Variants in ATP8A2 observed in about 807,000 individuals in gnomAD.
ATP8A2 encodes the protein phospholipid-transporting ATPase IB.
In ATP8A2, 100 loss-of-function variants were observed where a neutral mutation model predicts 165.6. The observed-to-expected ratio is 0.60, with a 90% confidence interval of 0.51 to 0.71. The LOEUF is 0.71. Among genes scored for constraint, ATP8A2 ranks in the 30% least tolerant of loss-of-function variants. ATP8A2 has a pLI of 0.00. For synonymous variants in ATP8A2, 543 were observed against 548.8 expected, an observed-to-expected ratio of 0.99 and a Z score of 0.15; for missense variants, 1,227 against 1,479.5, an observed-to-expected ratio of 0.83 and a Z score of 2.80.
chr13:25,974,109 C>T (rs1049450465), intron 35 of ATP8A2, among the ~76,000 whole-genome samples: 5 of 152,192 alleles, frequency 3.3e-5, no homozygotes, highest in African/African-American at 1.2e-4. Flanking sequence ...ACGGCGGAGA[C>T]AGATGACCTG....
At chr13:25,555,467 C>T (rs1161249190) in intron 13 of ATP8A2, among the ~76,000 whole-genome samples, 5 of 152,148 alleles carry the variant, frequency 3.3e-5, no homozygotes, top group East Asian at 1.9e-4. Flanking sequence ...TCGCATGTTC[C>T]GAATTTTGTC....
chr13:25,518,324 T>C (rs1202853233), intron 2 of ATP8A2, among the ~76,000 whole-genome samples: 1 of 152,224 alleles, frequency 6.6e-6, no homozygotes, highest in Non-Finnish European at 1.5e-5. Flanking sequence ...GGGCATGGAA[T>C]GCTGGCCCTG....
At chr13:25,657,693 CAG>C (rs2041963847) in intron 24 of ATP8A2, among the ~76,000 whole-genome samples, 1 of 152,194 alleles carries the variant, frequency 6.6e-6, no homozygotes, top group Non-Finnish European at 1.5e-5. Context: ...TGGTGTTAAA[CAG>C]ATACTTTTAC....
chr13:25,575,367 A>C (rs923425973), intron 19 of ATP8A2, among the ~76,000 whole-genome samples: 1 of 152,236 alleles, frequency 6.6e-6, no homozygotes, highest in African/African-American at 2.4e-5. Context: ...AATTTTAAAA[A>C]GTTAGACCCA....
At position 25,704,450 on chromosome 13, in the gene ATP8A2, C is replaced by T. The variant is rs1172408182; in HGVS notation, c.2384+5105C>T. The stretch of plus-strand genomic sequence containing the variant: ...GACCTCCTGGGTTCAAGCGATCTTC[C>T]TGTTCAGTCTCCCAAATAGCTGGGA... On this transcript the variant is annotated intron_variant, in intron 25 of 36. Coordinates refer to ENST00000381655, the MANE Select transcript of ATP8A2 (RefSeq NM_016529.6). 3.9e-5 allele frequency among the ~76,000 whole-genome samples: 6 copies of T among 151,950 alleles called. No homozygotes were observed. In the South Asian group the frequency reaches 1.2e-3, roughly 32 times the overall value.
intron 10 of ATP8A2, among the ~76,000 whole-genome samples, chr13:25,546,210 T>C (rs369418953): frequency 1.3e-5 from 2 of 152,246 alleles, no homozygotes; most frequent in East Asian, 1.9e-4. Flanking sequence ...GAGTAAGGCA[T>C]GCACTGAGTT....
intron 33 of ATP8A2, among the ~76,000 whole-genome samples, chr13:25,925,260 G>A (rs538573809): frequency 3.3e-5 from 5 of 152,128 alleles, no homozygotes; most frequent in Non-Finnish European, 5.9e-5. Context: ...GGGGCAGGGC[G>A]CTGTGGCTCA....
intron 24 of ATP8A2, among the ~76,000 whole-genome samples, chr13:25,669,783 G>A (rs76813401): frequency 0.015 from 2,327 of 152,246 alleles, 60 homozygotes; most frequent in African/African-American, 0.053. Context: ...CATAGGTAGT[G>A]TGTGTCTTGA....
chr13:25,524,676 A>C (rs1438069214), intron 2 of ATP8A2, among the ~76,000 whole-genome samples: 2 of 152,024 alleles, frequency 1.3e-5, no homozygotes, highest in East Asian at 3.8e-4. Flanking sequence ...CTTGCATGGA[A>C]TATCTTTTTC....
chr13:25,465,815 G>A (rs1044468772), intron 1 of ATP8A2, among the ~76,000 whole-genome samples: 1 of 99,826 alleles, frequency 1.0e-5, no homozygotes, highest in African/African-American at 3.2e-5. Flanking sequence ...GTAGAGATGA[G>A]GTCTTGCTAT....
chr13:25,854,199 C>A (rs1437503065), intron 30 of ATP8A2, among the ~76,000 whole-genome samples: 1 of 152,166 alleles, frequency 6.6e-6, no homozygotes, highest in East Asian at 1.9e-4. Flanking sequence ...TTTCATATGT[C>A]TTCCTGTATT....
At chr13:25,794,623 C>T (rs930674914) in intron 27 of ATP8A2, among the ~76,000 whole-genome samples, 18 of 151,762 alleles carry the variant, frequency 1.2e-4, no homozygotes, top group African/African-American at 1.7e-4. Flanking sequence ...CACAAGGGTG[C>T]GCAGTTATCA....
intron 2 of ATP8A2, among the ~76,000 whole-genome samples, chr13:25,489,208 A>G (rs2036444925): frequency 6.6e-6 from 1 of 152,018 alleles, no homozygotes; most frequent in Admixed American, 6.6e-5. Context: ...TGTCTCCAGT[A>G]AGATACACAA....
At chr13:25,907,903 G>A (rs1423732940) in intron 33 of ATP8A2, among the ~76,000 whole-genome samples, 4 of 152,206 alleles carry the variant, frequency 2.6e-5, no homozygotes, top group African/African-American at 9.7e-5. Context: ...AGCATGAAAT[G>A]ATACAGCCAA....
At chr13:25,705,225 T>C (rs775710297) in intron 25 of ATP8A2, 1 of 411,526 alleles carries the variant, frequency 2.4e-6, no homozygotes, top group South Asian at 1.8e-5. Context: ...GAGAGGACTT[T>C]GACCTCTTGA....
intron 25 of ATP8A2, 52 bp downstream of exon 25, chr13:25,699,397 G>T: frequency 7.3e-7 from 1 of 1,373,420 alleles, no homozygotes; most frequent in Non-Finnish European, 9.7e-7. Flanking sequence ...TCTGTATCCC[G>T]TGCTTATACA....
In ATP8A2 at chr13:25,894,267, C is replaced by G. The variant is rs899640897; in HGVS notation, c.3183+31859C>G. ...TTCTACATATGGCTAGCCAGTTTTC[C>G]CAGCACCATTTATTAAATAGGGAAT... is the stretch of plus-strand genomic sequence containing the variant. On this transcript the variant is annotated intron_variant, in intron 33 of 36. Transcript: ENST00000381655. 1.5e-4 allele frequency among the ~76,000 whole-genome samples: 23 copies of G among 152,132 alleles called. 1 individual carries two copies. Among genetic ancestry groups the G allele is most frequent in the Non-Finnish European group, 2.8e-4 (19 of 68,034 alleles).
In ATP8A2 at chr13:25,953,517, C is replaced by CT. The variant is rs386378544; in HGVS notation, c.3184-8053dup. 5.5e-3 allele frequency among the ~76,000 whole-genome samples: 600 copies of CT among 109,272 alleles called. 4 individuals carry two copies. The highest frequency in any genetic ancestry group is 0.019 in the African/African-American group (557 of 29,964). 71.7% of individuals were successfully genotyped at this position (109,272 alleles called of 152,430 possible). A position where few individuals can be genotyped will look rare whatever the true frequency, so the allele number is the denominator to read the frequency against. ...CTTATGTAGCCCTGGTTACTCCAGCCTTTTTAAAAAAAAAAAAAAAAAAAA... is the reference window on the plus strand; with the variant it reads ...CTTATGTAGCCCTGGTTACTCCAGCCTTTTTTAAAAAAAAAAAAAAAAAAAA... On this transcript the variant is annotated intron_variant, in intron 33 of 36. Coordinates refer to ENST00000381655, the MANE Select transcript of ATP8A2 (RefSeq NM_016529.6). This position sits in a 1 kb window ranked among gnomAD's most constrained non-coding sequence, Gnocchi z 6.7.
chr13:25,499,836 A>C (rs940445038), intron 2 of ATP8A2, among the ~76,000 whole-genome samples: 7 of 152,202 alleles, frequency 4.6e-5, no homozygotes, highest in African/African-American at 1.7e-4. Context: ...GACATAAGGA[A>C]AAGTTGGGAT....
Sources: allele counts gnomAD v4.1 joint callset (sites outside exome capture counted in the v4.1 genomes callset), GRCh38; gene constraint gnomAD v4.1.1; non-coding constraint Gnocchi (gnomAD v3.1); transcripts MANE v1.5; gene names NCBI Gene and HGNC (gene_info 2026-07-23, HGNC 2026-07-21).